KCND3: variants seen among roughly 807,000 people sequenced by gnomAD.
The protein encoded by KCND3 is A-type voltage-gated potassium channel KCND3.
KCND3 carries 9 observed loss-of-function variants against 51.1 expected under a neutral mutation model. That is an observed-to-expected ratio of 0.18 (90% CI 0.11 to 0.31). KCND3 has a LOEUF of 0.31. Ranked by LOEUF, KCND3 falls within the 10% of genes least tolerant of loss-of-function variation. The pLI, the probability that KCND3 is intolerant of heterozygous loss-of-function variation, is 1.00. For synonymous variants in KCND3, 349 were observed against 368.0 expected, an observed-to-expected ratio of 0.95 and a Z score of 0.59; for missense variants, 526 against 903.8, an observed-to-expected ratio of 0.58 and a Z score of 5.36.
chr1:111,777,751 T>C (rs1664193916), intron 6 of KCND3, among the ~76,000 whole-genome samples: 1 of 152,182 alleles, frequency 6.6e-6, no homozygotes, highest in Non-Finnish European at 1.5e-5. Flanking sequence ...ATGGGGGTCA[T>C]TCACAGAATT....
chr1:111,789,711 A>T (rs1372665384), intron 2 of KCND3, among the ~76,000 whole-genome samples: 1 of 152,264 alleles, frequency 6.6e-6, no homozygotes, highest in African/African-American at 2.4e-5. Context: ...GCTTGTGAAT[A>T]CTTGGAAAAT....
At chr1:111,940,663 T>C (rs1672472155) in intron 2 of KCND3, among the ~76,000 whole-genome samples, 1 of 152,200 alleles carries the variant, frequency 6.6e-6, no homozygotes, top group Non-Finnish European at 1.5e-5. Context: ...CTCAACGCAG[T>C]TTTGAATCCT....
chr1:111,973,191 T>C (rs1013265252), intron 2 of KCND3, among the ~76,000 whole-genome samples: 5 of 152,190 alleles, frequency 3.3e-5, no homozygotes, highest in East Asian at 3.8e-4. Context: ...GGCTGGGAAA[T>C]AGAGATGGAA....
At chr1:111,988,704 G>A (rs570071510) in intron 1 of KCND3, 53 of 152,276 alleles carry the variant, frequency 3.5e-4, no homozygotes, top group African/African-American at 1.1e-3. Flanking sequence ...ATTGTGCCTA[G>A]GACCCCGAGA....
At chr1:111,786,039 G>C (rs559425624) in intron 3 of KCND3, among the ~76,000 whole-genome samples, 2 of 152,344 alleles carry the variant, frequency 1.3e-5, no homozygotes, top group East Asian at 3.9e-4. Context: ...TGGGGGCTGA[G>C]ATGCTGCTGA....
intron 2 of KCND3, among the ~76,000 whole-genome samples, chr1:111,953,933 C>A (rs1003667727): frequency 6.6e-6 from 1 of 152,142 alleles, no homozygotes; most frequent in Non-Finnish European, 1.5e-5. Flanking sequence ...AGCCCCAAAC[C>A]CTGGGAAGCC....
chr1:111,801,136 C>T (rs1292818418), intron 2 of KCND3, among the ~76,000 whole-genome samples: 1 of 152,214 alleles, frequency 6.6e-6, no homozygotes, highest in Non-Finnish European at 1.5e-5. Flanking sequence ...AAGGGATGAG[C>T]TGCCTCAACT....
At chr1:111,857,829 C>G in intron 2 of KCND3, among the ~76,000 whole-genome samples, 1 of 151,944 alleles carries the variant, frequency 6.6e-6, no homozygotes, top group South Asian at 2.1e-4. Context: ...TACATTTAAC[C>G]TTAGTAATAT....
At position 111,855,015 on chromosome 1, in the gene KCND3, G is replaced by A. The variant is rs148305995; in HGVS notation, c.1107-67909C>T. 6.0e-3 allele frequency among the ~76,000 whole-genome samples: 907 copies of A among 152,260 alleles called. 13 individuals are homozygous for A. Among genetic ancestry groups the A allele is most frequent in the African/African-American group, 0.019 (802 of 41,548 alleles). The stretch of plus-strand genomic sequence containing the variant: ...AAGGTACCTGCCACTCTGTGGCTTC[G>A]TCAGTCCTGCCGCTTAAGGGCTCAC... On this transcript the variant is annotated intron_variant, in intron 2 of 7. Transcript: ENST00000302127.
intron 2 of KCND3, among the ~76,000 whole-genome samples, chr1:111,801,920 C>T (rs747830237): frequency 1.1e-4 from 17 of 152,200 alleles, no homozygotes; most frequent in Admixed American, 2.0e-4. Flanking sequence ...CTCTCCACGG[C>T]GGCCTTTCAG....
intron 2 of KCND3, among the ~76,000 whole-genome samples, chr1:111,861,409 C>A (rs1668334825): frequency 6.6e-6 from 1 of 152,150 alleles, no homozygotes; most frequent in Admixed American, 6.5e-5. Flanking sequence ...TTCAACTGTG[C>A]AAATCCCTTT....
chr1:111,913,323 T>C (rs555068731), intron 2 of KCND3, among the ~76,000 whole-genome samples: 1 of 152,192 alleles, frequency 6.6e-6, no homozygotes, highest in African/African-American at 2.4e-5. Context: ...TTCAACTAAA[T>C]TGCCCAACAA....
chr1:111,938,683 C>A (rs1198537904), intron 2 of KCND3, among the ~76,000 whole-genome samples: 3 of 152,162 alleles, frequency 2.0e-5, no homozygotes, highest in Non-Finnish European at 2.9e-5. Context: ...GAAGCAGCAA[C>A]TGCAAAGGCC....
At chr1:111,792,191 T>TG (rs753016137) in intron 2 of KCND3, among the ~76,000 whole-genome samples, 1 of 152,112 alleles carries the variant, frequency 6.6e-6, no homozygotes, top group Non-Finnish European at 1.5e-5. Flanking sequence ...AATGGAAGAA[T>TG]GGAAAGGAAC....
chr1:111,937,488 G>A (rs761196879), intron 2 of KCND3, among the ~76,000 whole-genome samples: 58 of 152,210 alleles, frequency 3.8e-4, no homozygotes, highest in Non-Finnish European at 7.3e-4. Flanking sequence ...AGCAGAGGAC[G>A]AAAAGAATGT....
In KCND3 at chr1:111,933,249, T is replaced by G. The variant is rs1438022443; in HGVS notation, c.1106+48372A>C. On this transcript the variant is annotated intron_variant, in intron 2 of 7. Coordinates refer to ENST00000302127, the MANE Select transcript of KCND3 (RefSeq NM_001378969.1). ...TGTGGAACTGTGAGTCAATTAAGCC[T>G]CTTTTCTTTATAAATTACCCAGTCT... Among the ~76,000 whole-genome samples the G allele has an allele frequency of 2.6e-5, 4 of 152,206 alleles. No homozygotes were observed. In the East Asian group the frequency reaches 7.7e-4, roughly 29 times the overall value.
chr1:111,822,077 GTCTT>G (rs1458109190), intron 2 of KCND3, among the ~76,000 whole-genome samples: 3 of 107,316 alleles, frequency 2.8e-5, no homozygotes, highest in African/African-American at 2.6e-5. Flanking sequence ...GGCTCAAGCA[GTCTT>G]TCTTTTTTTT....
intron 2 of KCND3, among the ~76,000 whole-genome samples, chr1:111,832,508 C>T (rs1666879720): frequency 6.6e-6 from 1 of 152,172 alleles, no homozygotes; most frequent in Non-Finnish European, 1.5e-5. Flanking sequence ...CACTCCCTTT[C>T]CTTTTTTTCT....
At chr1:111,919,072 G>A (rs1011958619) in intron 2 of KCND3, among the ~76,000 whole-genome samples, 4 of 151,502 alleles carry the variant, frequency 2.6e-5, no homozygotes, top group Non-Finnish European at 5.9e-5. Context: ...TTTCACCCCC[G>A]GGGTGCCTTC....
Sources: gnomAD v4.1 joint callset for allele counts (sites outside exome capture counted in the v4.1 genomes callset) on GRCh38, gnomAD v4.1.1 for gene constraint, MANE v1.5 for transcripts, NCBI Gene and HGNC (gene_info 2026-07-23, HGNC 2026-07-21) for gene names.